Variants in FAM107B observed in about 807,000 individuals in gnomAD.
The protein encoded by FAM107B is family with sequence similarity 107 member B.
A neutral mutation model predicts 31.5 loss-of-function variants in FAM107B; 21 were observed. That is an observed-to-expected ratio of 0.67 (90% CI 0.47 to 0.96). The LOEUF (loss-of-function observed/expected upper bound fraction) is 0.96, where lower values mean the gene tolerates loss of function less well. Among genes scored for constraint, FAM107B ranks in the 40% least tolerant of loss-of-function variants. The probability of loss-of-function intolerance (pLI) is 0.00; values close to 1 mark genes in which losing one functional copy is unlikely to be tolerated. For synonymous variants in FAM107B, 157 were observed against 141.5 expected (o/e 1.11, Z -0.78); for missense variants, 452 against 377.1 (o/e 1.20, Z -1.64).
At chr10:14,671,877 A>AG (rs899654487) in intron 1 of FAM107B, among the ~76,000 whole-genome samples, 3 of 46,522 alleles carry the variant, frequency 6.4e-5, no homozygotes, top group East Asian at 7.0e-4. Flanking sequence ...TTATTTAAAA[A>AG]AAAAAAACAA....
intron 1 of FAM107B, among the ~76,000 whole-genome samples, chr10:14,742,199 C>T (rs1440110600): frequency 2.6e-5 from 4 of 152,090 alleles, no homozygotes; most frequent in African/African-American, 7.2e-5. Flanking sequence ...TCACTGTAGC[C>T]TCAACCTCCT....
intron 1 of FAM107B, among the ~76,000 whole-genome samples, chr10:14,731,139 A>G (rs1856162682): frequency 6.6e-6 from 1 of 152,200 alleles, no homozygotes; most frequent in Non-Finnish European, 1.5e-5. Flanking sequence ...CAAACATCCA[A>G]CAATCCATTG....
intron 1 of FAM107B, among the ~76,000 whole-genome samples, chr10:14,771,861 A>G (rs2768713): frequency 0.2 from 30,111 of 151,874 alleles, 8,092 homozygotes; most frequent in African/African-American, 0.62. Context: ...GCGAGATCAC[A>G]TATGAATAGT....
chr10:14,692,711 A>G (rs1855169662), intron 1 of FAM107B, among the ~76,000 whole-genome samples: 1 of 152,154 alleles, frequency 6.6e-6, no homozygotes, highest in African/African-American at 2.4e-5. Context: ...TGCTGTATGC[A>G]ATTGATCAAC....
At chr10:14,539,354 C>T (rs7083733) in intron 2 of FAM107B, among the ~76,000 whole-genome samples, 18,404 of 152,192 alleles carry the variant, frequency 0.12, 1,211 homozygotes, top group Non-Finnish European at 0.15. Flanking sequence ...ACAGTTTGGG[C>T]TGCTTTCCAT....
chr10:14,667,455 C>CACA (rs1217061724), intron 2 of FAM107B, among the ~76,000 whole-genome samples, 179 bp downstream of exon 2: 1 of 152,236 alleles, frequency 6.6e-6, no homozygotes, highest in East Asian at 1.9e-4. Context: ...TTTTCTGCAT[C>CACA]ACAACCAGAT....
At chr10:14,736,686 G>T (rs1345901856) in intron 1 of FAM107B, among the ~76,000 whole-genome samples, 1 of 152,120 alleles carries the variant, frequency 6.6e-6, no homozygotes, top group East Asian at 1.9e-4. Context: ...ATCATTAACT[G>T]ATCATTTCCA....
intron 1 of FAM107B, among the ~76,000 whole-genome samples, chr10:14,677,439 C>A (rs1483092514): frequency 6.6e-6 from 1 of 152,028 alleles, no homozygotes; most frequent in African/African-American, 2.4e-5. Flanking sequence ...GGCTAACACA[C>A]TGAAACCCCG....
At chr10:14,538,620 C>T (rs1588515194) in intron 2 of FAM107B, among the ~76,000 whole-genome samples, 1 of 152,280 alleles carries the variant, frequency 6.6e-6, no homozygotes, top group East Asian at 1.9e-4. Flanking sequence ...CTGGATAATA[C>T]AGATTCTGGT....
At chr10:14,759,623 G>A (rs1038884427) in intron 1 of FAM107B, among the ~76,000 whole-genome samples, 2 of 152,192 alleles carry the variant, frequency 1.3e-5, no homozygotes, top group Admixed American at 1.3e-4. Flanking sequence ...CTGGCACCTA[G>A]AGGGCATTTA....
intron 1 of FAM107B, among the ~76,000 whole-genome samples, chr10:14,711,321 A>C (rs771021949): frequency 6.6e-6 from 1 of 152,108 alleles, no homozygotes; most frequent in Non-Finnish European, 1.5e-5. Context: ...TCACTGATTG[A>C]CTCACCCAGG....
At chr10:14,569,208 GT>G (rs1051303960) in intron 2 of FAM107B, among the ~76,000 whole-genome samples, 3 of 152,078 alleles carry the variant, frequency 2.0e-5, no homozygotes, top group Non-Finnish European at 4.4e-5. Context: ...CAAATGATGT[GT>G]GTTATCTGAA....
intron 1 of FAM107B, among the ~76,000 whole-genome samples, chr10:14,718,772 A>T (rs11817467): frequency 1.7e-4 from 26 of 152,334 alleles, no homozygotes; most frequent in African/African-American, 6.0e-4. Flanking sequence ...TATGCCAGAC[A>T]TGGAGAAGTA....
intron 2 of FAM107B, among the ~76,000 whole-genome samples, chr10:14,648,657 A>C (rs1853826567): frequency 6.6e-6 from 1 of 152,194 alleles, no homozygotes; most frequent in African/African-American, 2.4e-5. Context: ...GACCCCACCC[A>C]GGTGCGTCGG....
intron 2 of FAM107B, among the ~76,000 whole-genome samples, chr10:14,629,552 G>A (rs1438741271): frequency 3.8e-5 from 5 of 132,974 alleles, no homozygotes; most frequent in Non-Finnish European, 7.7e-5. Flanking sequence ...TCGCTCTGTC[G>A]CCCAGGCTGG....
At chr10:14,694,027 T>C (rs1399790008) in intron 1 of FAM107B, among the ~76,000 whole-genome samples, 1 of 152,244 alleles carries the variant, frequency 6.6e-6, no homozygotes, top group African/African-American at 2.4e-5. Context: ...CGGGTTCATC[T>C]GTGTTGTGGT....
At chr10:14,604,089 G>C (rs1414821905) in intron 2 of FAM107B, among the ~76,000 whole-genome samples, 2 of 145,662 alleles carry the variant, frequency 1.4e-5, no homozygotes, top group African/African-American at 4.9e-5. Context: ...GTCCCCGTAC[G>C]CCCGCTGCCC....
At chr10:14,721,962 G>T (rs1244713997) in intron 1 of FAM107B, among the ~76,000 whole-genome samples, 1 of 151,942 alleles carries the variant, frequency 6.6e-6, no homozygotes, top group Non-Finnish European at 1.5e-5. Context: ...TTTCTTCTAG[G>T]GTTTTTATGG....
At chr10:14,663,142 C>T (rs1010618197) in intron 2 of FAM107B, among the ~76,000 whole-genome samples, 5 of 152,208 alleles carry the variant, frequency 3.3e-5, no homozygotes, top group South Asian at 4.1e-4. Flanking sequence ...CCCAGGCCTT[C>T]GGCCACAGAC....
Sources: allele counts gnomAD v4.1 joint callset (sites outside exome capture counted in the v4.1 genomes callset), GRCh38; gene constraint gnomAD v4.1.1; transcripts MANE v1.5; gene names NCBI Gene and HGNC (gene_info 2026-07-23, HGNC 2026-07-21).